Variants in GASK1A observed in about 807,000 individuals in gnomAD.
GASK1A encodes the protein Golgi-associated kinase 1A.
A neutral mutation model predicts 41.2 loss-of-function variants in GASK1A; 40 were observed. The ratio of observed to expected loss-of-function variants is 0.97; its 90% CI spans 0.75 to 1.27. The LOEUF (loss-of-function observed/expected upper bound fraction) is 1.27, where lower values mean the gene tolerates loss of function less well. Ranked by LOEUF, GASK1A falls within the 50% of genes most tolerant of loss-of-function variation. GASK1A has a pLI of 0.00. For missense variants in GASK1A, 678 were observed against 745.1 expected (o/e 0.91, Z 1.05); for synonymous variants, 316 against 307.1 (o/e 1.03, Z -0.30).
intron 1 of GASK1A, among the ~76,000 whole-genome samples, chr3:43,009,069 G>A (rs2089450489): frequency 6.6e-6 from 1 of 152,144 alleles, no homozygotes; most frequent in African/African-American, 2.4e-5. Flanking sequence ...ATTAAAATAT[G>A]TTGAATCCTC....
intron 1 of GASK1A, among the ~76,000 whole-genome samples, chr3:43,030,750 C>T (rs2089571002): frequency 6.6e-6 from 1 of 152,204 alleles, no homozygotes; most frequent in Non-Finnish European, 1.5e-5. Context: ...GTTGGCCCAG[C>T]ATGGGTCAGG....
intron 1 of GASK1A, among the ~76,000 whole-genome samples, chr3:42,983,160 T>C (rs1046472286): frequency 1.3e-5 from 2 of 152,172 alleles, no homozygotes; most frequent in South Asian, 4.1e-4. Flanking sequence ...TGTGCTGGGC[T>C]AGGTCACCGT....
intron 2 of GASK1A, among the ~76,000 whole-genome samples, chr3:43,040,517 A>G (rs1283946889): frequency 6.6e-6 from 1 of 152,068 alleles, no homozygotes; most frequent in African/African-American, 2.4e-5. Context: ...TTGAAATCAA[A>G]TCAAGTTTTT....
chr3:43,010,231 A>G (rs546421651), intron 1 of GASK1A, among the ~76,000 whole-genome samples: 1 of 152,292 alleles, frequency 6.6e-6, no homozygotes, highest in South Asian at 2.1e-4. Context: ...AGTACCTACA[A>G]TAACAGAAAC....
intron 2 of GASK1A, among the ~76,000 whole-genome samples, chr3:43,046,530 A>G (rs574414049): frequency 6.6e-6 from 1 of 152,368 alleles, no homozygotes; most frequent in East Asian, 1.9e-4. Flanking sequence ...CTTATAATTA[A>G]GATGGAATCA....
At chr3:42,987,704 T>C (rs1431539083) in intron 1 of GASK1A, among the ~76,000 whole-genome samples, 1 of 151,850 alleles carries the variant, frequency 6.6e-6, no homozygotes, top group African/African-American at 2.4e-5. Flanking sequence ...ATCACAAGAG[T>C]AGGATAGAGA....
At chr3:43,029,166 A>G (rs2089562313) in intron 1 of GASK1A, among the ~76,000 whole-genome samples, 1 of 152,008 alleles carries the variant, frequency 6.6e-6, no homozygotes, top group Non-Finnish European at 1.5e-5. Context: ...ATTGGCCCTG[A>G]GTCGCCTTGT....
At chr3:42,995,353 G>C (rs2089363748) in intron 1 of GASK1A, among the ~76,000 whole-genome samples, 1 of 152,188 alleles carries the variant, frequency 6.6e-6, no homozygotes, top group African/African-American at 2.4e-5. Context: ...TTGAGAGAGA[G>C]TGTCATACTC....
At position 42,979,574 on chromosome 3, in the gene GASK1A, A is replaced by C; in HGVS notation, c.-69A>C. On this transcript the variant is annotated 5_prime_UTR_variant, in exon 1 of 5. Coordinates refer to ENST00000430121, the MANE Select transcript of GASK1A (RefSeq NM_001129908.3). ...CGAGCCACGGCGCCGGGGGCGGCCA[A>C]GGGGAGGCGGGATGAGTCTGCGAGC... 1 of 1,237,530 alleles carries C rather than the reference A, an allele frequency of 8.1e-7. No homozygotes were observed. Among genetic ancestry groups the C allele is most frequent in the Non-Finnish European group, 1.0e-6 (1 of 986,968 alleles). 76.7% of individuals were successfully genotyped at this position (1,237,530 alleles called of 1,614,324 possible). A position where few individuals can be genotyped will look rare whatever the true frequency, so the allele number is the denominator to read the frequency against.
At chr3:42,995,430 G>A (rs1220952929) in intron 1 of GASK1A, among the ~76,000 whole-genome samples, 2 of 152,220 alleles carry the variant, frequency 1.3e-5, no homozygotes, top group Non-Finnish European at 1.5e-5. Flanking sequence ...AAGGGAAGCC[G>A]GAAATCTGAA....
At chr3:43,000,925 A>G (rs867049769) in intron 1 of GASK1A, among the ~76,000 whole-genome samples, 1 of 152,156 alleles carries the variant, frequency 6.6e-6, no homozygotes, top group Non-Finnish European at 1.5e-5. Context: ...TAAATTTTAC[A>G]TTTTCATGAA....
At chr3:43,034,066 G>T (rs1184474980) in intron 2 of GASK1A, among the ~76,000 whole-genome samples, 1 of 152,162 alleles carries the variant, frequency 6.6e-6, no homozygotes, top group East Asian at 1.9e-4. Flanking sequence ...TACAAATCAG[G>T]ACTCCCCTCT....
chr3:43,051,096 A>G (rs1312007812), intron 2 of GASK1A, among the ~76,000 whole-genome samples: 1 of 152,096 alleles, frequency 6.6e-6, no homozygotes, highest in Admixed American at 6.5e-5. Flanking sequence ...TTTGTTGAAA[A>G]CTGAGTATTT....
At chr3:43,042,091 G>A (rs930418839) in intron 2 of GASK1A, among the ~76,000 whole-genome samples, 1 of 152,016 alleles carries the variant, frequency 6.6e-6, no homozygotes. Context: ...TTACAGATTC[G>A]GGACAATTTC....
chr3:42,987,998 C>CAAGAAAAAAAAAA (rs2089321077), intron 1 of GASK1A, among the ~76,000 whole-genome samples: 1 of 68,426 alleles, frequency 1.5e-5, no homozygotes, highest in African/African-American at 5.1e-5. Context: ...GACTCTAGCT[C>CAAGAAAAAAAAAA]AAAAAAAAAA....
At chr3:42,993,513 T>C (rs1047369506) in intron 1 of GASK1A, among the ~76,000 whole-genome samples, 3 of 152,232 alleles carry the variant, frequency 2.0e-5, no homozygotes, top group Non-Finnish European at 2.9e-5. Context: ...TAATTGATTA[T>C]CTTGGTAACC....
chr3:43,029,211 T>A (rs2089562437), intron 1 of GASK1A, among the ~76,000 whole-genome samples: 1 of 151,974 alleles, frequency 6.6e-6, no homozygotes, highest in African/African-American at 2.4e-5. Flanking sequence ...GGGGATCAGC[T>A]CAGAGCTGCA....
intron 1 of GASK1A, among the ~76,000 whole-genome samples, chr3:43,023,938 T>C (rs755759161): frequency 5.3e-5 from 8 of 152,076 alleles, no homozygotes; most frequent in Admixed American, 1.3e-4. Context: ...AAAGCAGGAG[T>C]GATCAGGTCC....
chr3:42,997,856 G>C (rs1341712364), intron 1 of GASK1A, among the ~76,000 whole-genome samples: 1 of 152,212 alleles, frequency 6.6e-6, no homozygotes, highest in African/African-American at 2.4e-5. Context: ...AAGTGAGACA[G>C]GGAAGGCAGC....
Sources: gnomAD v4.1 joint callset for allele counts (sites outside exome capture counted in the v4.1 genomes callset) on GRCh38, gnomAD v4.1.1 for gene constraint, MANE v1.5 for transcripts, NCBI Gene and HGNC (gene_info 2026-07-23, HGNC 2026-07-21) for gene names.